Variants in NAV2 observed in about 807,000 individuals in gnomAD.
NAV2 encodes the protein helicase, APC down-regulated 1.
In NAV2, 54 loss-of-function variants were observed where a neutral mutation model predicts 223.2. That is an observed-to-expected ratio of 0.24 (90% CI 0.19 to 0.30). The LOEUF (loss-of-function observed/expected upper bound fraction) is 0.30, where lower values mean the gene tolerates loss of function less well. Ranked by LOEUF, NAV2 falls within the 10% of genes least tolerant of loss-of-function variation. The pLI, the probability that NAV2 is intolerant of heterozygous loss-of-function variation, is 1.00. For synonymous variants in NAV2, 1,279 were observed against 1,239.3 expected (o/e 1.03, Z -0.67); for missense variants, 2,806 against 3,147.5 (o/e 0.89, Z 2.60).
At chr11:19,901,751 G>A (rs890787099) in intron 6 of NAV2, among the ~76,000 whole-genome samples, 1 of 152,192 alleles carries the variant, frequency 6.6e-6, no homozygotes, top group East Asian at 1.9e-4. Flanking sequence ...ACACTGGGTA[G>A]ACTTAACTAC....
At chr11:19,913,833 T>A (rs946505016) in intron 6 of NAV2, among the ~76,000 whole-genome samples, 3 of 152,216 alleles carry the variant, frequency 2.0e-5, no homozygotes, top group African/African-American at 4.8e-5. Context: ...CGCCTTTTTT[T>A]AACCCTGTGC....
chr11:19,915,483 A>G (rs1044463794), intron 6 of NAV2, among the ~76,000 whole-genome samples: 2 of 152,180 alleles, frequency 1.3e-5, no homozygotes, highest in African/African-American at 4.8e-5. Flanking sequence ...AGCTTCTGCC[A>G]TATCCAATAG....
chr11:19,696,858 C>A (rs1010401543), intron 1 of NAV2, among the ~76,000 whole-genome samples: 31 of 152,316 alleles, frequency 2.0e-4, no homozygotes, highest in Non-Finnish European at 3.1e-4. Context: ...ACGGTAGAAT[C>A]ACCTAGGGAG....
Position 19,539,674 on chromosome 11 carries a change from A to T in NAV2, c.75+188647A>T, listed in dbSNP as rs185047930. On this transcript the variant is annotated intron_variant, in intron 1 of 37. Transcript: ENST00000360655. ...TGAAGGCCACTGAGACAACACAGCC[A>T]TTTGGAAAGCCATTATCAGCTGCCA... 1.3e-3 allele frequency among the ~76,000 whole-genome samples: 196 copies of T among 152,260 alleles called. 1 individual carries two copies. Among genetic ancestry groups the T allele is most frequent in the Admixed American group, 1.8e-3 (27 of 15,296 alleles).
chr11:19,963,963 C>T (rs534919665), intron 10 of NAV2, among the ~76,000 whole-genome samples: 2 of 152,098 alleles, frequency 1.3e-5, no homozygotes, highest in Non-Finnish European at 2.9e-5. Flanking sequence ...ACATGATACC[C>T]GAATTTCTCT....
At chr11:19,581,418 G>A (rs940990927) in intron 1 of NAV2, among the ~76,000 whole-genome samples, 17 of 151,914 alleles carry the variant, frequency 1.1e-4, no homozygotes, top group African/African-American at 3.6e-4. Flanking sequence ...TGAGCACAAC[G>A]TGCAGGTTTG....
intron 1 of NAV2, among the ~76,000 whole-genome samples, chr11:19,400,669 T>C (rs1171175021): frequency 6.6e-6 from 1 of 152,156 alleles, no homozygotes; most frequent in Non-Finnish European, 1.5e-5. Flanking sequence ...TAGAAAAAGG[T>C]ACCCTTCTTC....
intron 1 of NAV2, among the ~76,000 whole-genome samples, chr11:19,804,729 G>A (rs2058455389): frequency 6.6e-6 from 1 of 152,206 alleles, no homozygotes. Context: ...AAGGGGATAT[G>A]GAGATAATGA....
intron 1 of NAV2, among the ~76,000 whole-genome samples, chr11:19,724,428 G>A (rs1278028571): frequency 6.6e-6 from 1 of 152,152 alleles, no homozygotes; most frequent in Non-Finnish European, 1.5e-5. Context: ...GCTCACTGCA[G>A]CCACAAACTC....
intron 1 of NAV2, among the ~76,000 whole-genome samples, chr11:19,523,077 T>C (rs1187033967): frequency 6.6e-6 from 1 of 152,198 alleles, no homozygotes; most frequent in African/African-American, 2.4e-5. Flanking sequence ...TTAGGTCCCA[T>C]TTTGCAGTGA....
At chr11:19,972,793 T>G (rs940543166) in intron 10 of NAV2, among the ~76,000 whole-genome samples, 1 of 152,114 alleles carries the variant, frequency 6.6e-6, no homozygotes, top group Admixed American at 6.5e-5. Context: ...CCCCTCAAGC[T>G]CAAGGACTGA....
chr11:19,835,007 G>A (rs754445059), intron 2 of NAV2, among the ~76,000 whole-genome samples: 2 of 152,352 alleles, frequency 1.3e-5, no homozygotes, highest in East Asian at 3.9e-4. Flanking sequence ...ATCTGTGTCA[G>A]TATGTTGTGA....
intron 11 of NAV2, among the ~76,000 whole-genome samples, chr11:19,999,534 A>C (rs186763530): frequency 6.6e-6 from 1 of 152,224 alleles, no homozygotes; most frequent in Admixed American, 6.5e-5. Flanking sequence ...ATGCCTGGCT[A>C]ATGTTTTTGT....
At chr11:19,945,209 T>TC (rs2046839470) in intron 8 of NAV2, among the ~76,000 whole-genome samples, 4 of 55,292 alleles carry the variant, frequency 7.2e-5, no homozygotes, top group Admixed American at 2.1e-4. Context: ...TCCCTTTCTT[T>TC]CCTTTCCTTC....
At chr11:20,047,555 A>G (rs937673857) in intron 14 of NAV2, among the ~76,000 whole-genome samples, 2 of 152,238 alleles carry the variant, frequency 1.3e-5, no homozygotes, top group African/African-American at 2.4e-5. Context: ...GTGCTTGGCA[A>G]TGGAACAAGT....
At chr11:19,511,538 CA>C (rs777558434) in intron 1 of NAV2, 2 of 152,160 alleles carry the variant, frequency 1.3e-5, no homozygotes, top group Admixed American at 6.5e-5. Flanking sequence ...GAAAAACCAT[CA>C]AAATTGTAGC....
chr11:19,831,787 T>C (rs1414917158), intron 1 of NAV2, among the ~76,000 whole-genome samples: 2 of 152,330 alleles, frequency 1.3e-5, no homozygotes, highest in Admixed American at 6.5e-5. Flanking sequence ...GGTCAGCCAG[T>C]CTTTGCCTTC....
At chr11:19,495,617 C>T (rs2042768242) in intron 1 of NAV2, among the ~76,000 whole-genome samples, 1 of 152,142 alleles carries the variant, frequency 6.6e-6, no homozygotes, top group Non-Finnish European at 1.5e-5. Flanking sequence ...TGAGCATCTC[C>T]TGTGTTCCAG....
intron 1 of NAV2, among the ~76,000 whole-genome samples, chr11:19,664,774 G>A (rs1420241723): frequency 6.6e-6 from 1 of 152,166 alleles, no homozygotes; most frequent in African/African-American, 2.4e-5. Flanking sequence ...GGAGAATGTT[G>A]AGTTCCACCT....
Sources: gnomAD v4.1 joint callset for allele counts (sites outside exome capture counted in the v4.1 genomes callset) on GRCh38, gnomAD v4.1.1 for gene constraint, MANE v1.5 for transcripts, NCBI Gene and HGNC (gene_info 2026-07-23, HGNC 2026-07-21) for gene names.